Variants in PCDHGB3 observed in about 807,000 individuals in gnomAD.
The protein encoded by PCDHGB3 is protocadherin gamma subfamily B, 3.
In PCDHGB3, 40 loss-of-function variants were observed where a neutral mutation model predicts 59.2. The observed-to-expected ratio is 0.68, with a 90% CI of 0.52 to 0.88. The LOEUF (loss-of-function observed/expected upper bound fraction) is 0.88. Ranked by LOEUF, PCDHGB3 falls within the 40% of genes least tolerant of loss-of-function variation. The pLI, the probability that PCDHGB3 is intolerant of heterozygous loss-of-function variation, is 0.00. For missense variants in PCDHGB3, 1,309 were observed against 1,187.9 expected, an observed-to-expected ratio of 1.10 and a Z score of -1.50; for synonymous variants, 581 against 503.6, an observed-to-expected ratio of 1.15 and a Z score of -2.06.
intron 1 of PCDHGB3, chr5:141,405,602 A>C: frequency 1.7e-6 from 1 of 572,914 alleles, no homozygotes; most frequent in South Asian, 2.3e-5. Flanking sequence ...CCCAAGTAGA[A>C]TAACTGGGAC....
At chr5:141,472,359 G>T (rs2099278248) in intron 1 of PCDHGB3, among the ~76,000 whole-genome samples, 1 of 151,944 alleles carries the variant, frequency 6.6e-6, no homozygotes, top group Admixed American at 6.6e-5. Flanking sequence ...GGCTAACACG[G>T]TGAAACCCCG....
At chr5:141,377,620 ATT>A (rs1307213511) in intron 1 of PCDHGB3, 1 of 149,664 alleles carries the variant, frequency 6.7e-6, no homozygotes, top group Non-Finnish European at 1.5e-5. Context: ...AAAAAAAAAG[ATT>A]TTGTTTTTTC....
chr5:141,400,345 A>C lies in PCDHGB3; in HGVS notation c.2415+27536A>C, dbSNP rs757500171. On this transcript the variant is annotated intron_variant, in intron 1 of 3. Transcript: ENST00000576222. ...TGGACCTGTGGTTCCCCCCAACTACAGTCAGGGGACTTTGCCTTATTCCTA... is the reference window on the plus strand; with the variant it reads ...TGGACCTGTGGTTCCCCCCAACTACCGTCAGGGGACTTTGCCTTATTCCTA... 1.9e-6 allele frequency: 3 copies of C among 1,614,040 alleles called. No homozygotes were observed. In the South Asian group the frequency reaches 3.3e-5, roughly 18 times the overall value.
chr5:141,452,278 T>C (rs1047687328), intron 1 of PCDHGB3, among the ~76,000 whole-genome samples: 1 of 152,226 alleles, frequency 6.6e-6, no homozygotes, highest in African/African-American at 2.4e-5. Context: ...AACCCTTTCT[T>C]ACTTTCTGAT....
At chr5:141,502,024 C>G (rs2099812413) in intron 2 of PCDHGB3, among the ~76,000 whole-genome samples, 1 of 152,152 alleles carries the variant, frequency 6.6e-6, no homozygotes, top group African/African-American at 2.4e-5. Context: ...TCCCTGCAAC[C>G]CCCGCCGCTT....
intron 2 of PCDHGB3, among the ~76,000 whole-genome samples, chr5:141,498,618 G>A (rs191513899): frequency 1.3e-5 from 2 of 152,220 alleles, no homozygotes; most frequent in East Asian, 3.9e-4. Context: ...TCAGCACTGG[G>A]TCACACTGCC....
chr5:141,399,833 C>T (rs1233031581), intron 1 of PCDHGB3: 1 of 1,613,140 alleles, frequency 6.2e-7, no homozygotes, highest in Non-Finnish European at 8.5e-7. Context: ...GACGGCTCTG[C>T]GCTCTTCGAT....
In PCDHGB3 at chr5:141,404,687, C is replaced by T. The variant is rs190249934; in HGVS notation, c.2415+31878C>T. 2,728 of 1,614,088 alleles carry T rather than the reference C, an allele frequency of 1.7e-3. 3 individuals carry two copies. Among genetic ancestry groups the T allele is most frequent in the Non-Finnish European group, 2.2e-3 (2,615 of 1,179,946 alleles). On this transcript the variant is annotated intron_variant, in intron 1 of 3. Coordinates refer to ENST00000576222, the MANE Select transcript of PCDHGB3 (RefSeq NM_018924.5). ...TGGTTCTACTGGTGTGGAGCTGGCA[C>T]CCCGCTCTGCAGAGCCTGGCTACCT...
intron 1 of PCDHGB3, among the ~76,000 whole-genome samples, chr5:141,456,780 T>A (rs1392367637): frequency 1.3e-5 from 2 of 152,000 alleles, no homozygotes; most frequent in Non-Finnish European, 2.9e-5. Flanking sequence ...CTGGCCTACA[T>A]GGCAAAACCC....
At chr5:141,388,703 C>T in intron 1 of PCDHGB3, 1 of 1,613,982 alleles carries the variant, frequency 6.2e-7, no homozygotes, top group Non-Finnish European at 8.5e-7. Context: ...ATGAGGGTGT[C>T]AATGCCGAGA....
At chr5:141,385,253 G>A (rs1234375073) in intron 1 of PCDHGB3, 1 of 1,613,650 alleles carries the variant, frequency 6.2e-7, no homozygotes, top group Non-Finnish European at 8.5e-7. Flanking sequence ...CAGGAGAGCT[G>A]TGAGAAAAAT....
Position 141,371,843 on chromosome 5 carries a change from TA to T in PCDHGB3, c.1451del (p.Asn484MetfsTer24). ...GAGCCTCGGATCCCGACTTGGGACC[TA>T]ATGGCCTTGTCTCCTACTACATCGT... ...VRASDPDLGPNGLVSYYIVAS... is the reference protein window; with the variant it reads ...VRASDPDLGPXGLVSYYIVAS... On this transcript the variant is annotated frameshift_variant, in exon 1 of 4. Transcript: ENST00000576222. LOFTEE classifies it high-confidence loss of function. The T allele has an allele frequency of 6.2e-7, 1 of 1,613,690 alleles. No homozygotes were observed. The highest frequency in any genetic ancestry group is 8.5e-7 in the Non-Finnish European group (1 of 1,179,896).
chr5:141,403,340 G>T, intron 1 of PCDHGB3: 3 of 1,613,982 alleles, frequency 1.9e-6, no homozygotes, highest in African/African-American at 1.3e-5. Flanking sequence ...TAACGACAGC[G>T]CCCCAAAGTT....
At chr5:141,403,701 A>C in intron 1 of PCDHGB3, 2 of 1,613,934 alleles carry the variant, frequency 1.2e-6, no homozygotes, top group South Asian at 2.2e-5. Flanking sequence ...TACCGAGTTA[A>C]AGTCCTTGAG....
At chr5:141,482,116 T>C (rs1017195289) in intron 1 of PCDHGB3, among the ~76,000 whole-genome samples, 4 of 150,222 alleles carry the variant, frequency 2.7e-5, no homozygotes, top group South Asian at 2.1e-4. Context: ...TATCTAGAGA[T>C]GGGAGAATCA....
chr5:141,474,986 A>G (rs1328341214), intron 1 of PCDHGB3, among the ~76,000 whole-genome samples: 1 of 152,238 alleles, frequency 6.6e-6, no homozygotes, highest in Non-Finnish European at 1.5e-5. Context: ...GTTTGGTGAC[A>G]ACAATTCTAA....
At chr5:141,395,197 T>A in intron 1 of PCDHGB3, 1 of 1,614,012 alleles carries the variant, frequency 6.2e-7, no homozygotes, top group Non-Finnish European at 8.5e-7. Context: ...TTAACATCCG[T>A]AGATTTTCAT....
chr5:141,436,878 G>T (rs914354261), intron 1 of PCDHGB3, among the ~76,000 whole-genome samples: 1 of 152,216 alleles, frequency 6.6e-6, no homozygotes, highest in African/African-American at 2.4e-5. Context: ...GGCCATAAAA[G>T]ATGGGGGAAA....
Position 141,415,576 on chromosome 5 carries a change from T to C in PCDHGB3, c.2415+42767T>C, listed in dbSNP as rs182127695. 9.5e-5 allele frequency: 153 copies of C among 1,614,182 alleles called. No individual in the cohort carries two copies. The Admixed American group carries it at 1.6e-3, about 17-fold the overall frequency. Reference sequence around the variant, plus strand: ...CGATCCTTTGTCTTTGTTAGATGATTCGAAGTTTCCTATAGAGGATACCCC... The same window carrying C: ...CGATCCTTTGTCTTTGTTAGATGATCCGAAGTTTCCTATAGAGGATACCCC... On this transcript the variant is annotated intron_variant, in intron 1 of 3. Transcript: ENST00000576222.
Sources: gnomAD v4.1 joint callset for allele counts (sites outside exome capture counted in the v4.1 genomes callset) on GRCh38, gnomAD v4.1.1 for gene constraint, MANE v1.5 for transcripts, NCBI Gene and HGNC (gene_info 2026-07-23, HGNC 2026-07-21) for gene names.